BBS9: variants seen among roughly 807,000 people sequenced by gnomAD.
The protein encoded by BBS9 is Bardet-Biedl syndrome 9, also known as protein PTHB1.
A neutral mutation model predicts 117.7 loss-of-function variants in BBS9; 89 were observed. That is an observed-to-expected ratio of 0.76 (90% CI 0.64 to 0.90). The LOEUF (loss-of-function observed/expected upper bound fraction) is 0.90. Among genes scored for constraint, BBS9 ranks in the 40% least tolerant of loss-of-function variants. The pLI is 0.00. For synonymous variants in BBS9, 379 were observed against 370.9 expected, an observed-to-expected ratio of 1.02 and a Z score of -0.25; for missense variants, 982 against 1,042.2, an observed-to-expected ratio of 0.94 and a Z score of 0.80.
chr7:33,516,487 CAAAAAAAAAAAAAAAA>C (rs61006845), intron 20 of BBS9, among the ~76,000 whole-genome samples: 5 of 51,520 alleles, frequency 9.7e-5, no homozygotes, highest in Non-Finnish European at 1.8e-4. Flanking sequence ...ATTTCATCTC[CAAAAAAAAAAAAAAAA>C]AAAAAAAAGA....
chr7:33,425,801 G>A (rs1001245203), intron 19 of BBS9, among the ~76,000 whole-genome samples: 5 of 152,126 alleles, frequency 3.3e-5, no homozygotes, highest in African/African-American at 1.2e-4. Context: ...TTTTATTTTA[G>A]TGTTGAGCTT....
At chr7:33,240,820 G>C (rs1299196859) in intron 5 of BBS9, among the ~76,000 whole-genome samples, 1 of 151,818 alleles carries the variant, frequency 6.6e-6, no homozygotes, top group Non-Finnish European at 1.5e-5. Flanking sequence ...TAGTTTTTTG[G>C]TTGGTTAGAT....
chr7:33,326,305 A>G (rs6962002), intron 9 of BBS9, among the ~76,000 whole-genome samples: 138,526 of 150,664 alleles, frequency 0.92, 64,028 homozygotes, highest in African/African-American at 0.96. Context: ...AGTGAGTACT[A>G]TCTGGCTACC....
chr7:33,465,063 T>G (rs1400767131), intron 19 of BBS9, among the ~76,000 whole-genome samples: 2 of 151,968 alleles, frequency 1.3e-5, no homozygotes, highest in Admixed American at 1.3e-4. Context: ...ATATTATAAT[T>G]TAATTGCTGA....
chr7:33,294,290 CATCT>C (rs57892221), intron 9 of BBS9, among the ~76,000 whole-genome samples: 26,021 of 140,666 alleles, frequency 0.18, 2,496 homozygotes, highest in Admixed American at 0.2. Context: ...ATCTATCTAT[CATCT>C]ATCTATCTAT....
chr7:33,349,740 A>T (rs575948374), intron 13 of BBS9, among the ~76,000 whole-genome samples: 4 of 152,272 alleles, frequency 2.6e-5, no homozygotes, highest in African/African-American at 9.6e-5. Flanking sequence ...CTGTTTTTAG[A>T]TACTAAAATT....
chr7:33,609,895 A>C (rs1864770721), downstream of BBS9, among the ~76,000 whole-genome samples: 1 of 152,082 alleles, frequency 6.6e-6, no homozygotes, highest in South Asian at 2.1e-4. Flanking sequence ...CCACATAAAT[A>C]TATCCAGTTA....
intron 9 of BBS9, among the ~76,000 whole-genome samples, chr7:33,280,918 T>TTTTG (rs1562931093): frequency 1.4e-5 from 2 of 146,910 alleles, no homozygotes; most frequent in African/African-American, 2.5e-5. Flanking sequence ...TTTGTTTTTT[T>TTTTG]TTTTTTTTTT....
At chr7:33,267,203 A>C (rs1798978898) in intron 7 of BBS9, among the ~76,000 whole-genome samples, 1 of 151,876 alleles carries the variant, frequency 6.6e-6, no homozygotes, top group African/African-American at 2.4e-5. Flanking sequence ...TTTTTCTGAG[A>C]CCTACTTAAT....
chr7:33,260,211 G>C (rs1157488138), intron 6 of BBS9, among the ~76,000 whole-genome samples: 2 of 151,828 alleles, frequency 1.3e-5, no homozygotes, highest in South Asian at 2.1e-4. Flanking sequence ...TGTGTTGCCC[G>C]GGCTGGTTGC....
intron 19 of BBS9, among the ~76,000 whole-genome samples, chr7:33,451,889 A>G (rs1184356344): frequency 6.6e-6 from 1 of 151,970 alleles, no homozygotes; most frequent in Non-Finnish European, 1.5e-5. Context: ...GCTGGAGTGC[A>G]GTTGTGTGGT....
At chr7:33,466,223 G>A (rs1193807515) in intron 19 of BBS9, among the ~76,000 whole-genome samples, 1 of 152,014 alleles carries the variant, frequency 6.6e-6, no homozygotes. Context: ...ATTAACTATA[G>A]TCACCATGCT....
chr7:33,539,900 G>A (rs936607783), intron 21 of BBS9, among the ~76,000 whole-genome samples: 1 of 152,200 alleles, frequency 6.6e-6, no homozygotes, highest in Non-Finnish European at 1.5e-5. Context: ...CAGTCAGTGA[G>A]GGATTAACCA....
intron 9 of BBS9, among the ~76,000 whole-genome samples, chr7:33,324,021 A>T (rs915054684): frequency 1.3e-5 from 2 of 151,688 alleles, no homozygotes; most frequent in East Asian, 3.9e-4. Flanking sequence ...TATTTTTAGT[A>T]GAGACGGAGT....
At chr7:33,250,935 C>T (rs545215909) in intron 5 of BBS9, among the ~76,000 whole-genome samples, 14 of 152,182 alleles carry the variant, frequency 9.2e-5, no homozygotes, top group African/African-American at 2.4e-4. Context: ...CAATAGATGA[C>T]GTGTTCTAAG....
intron 19 of BBS9, among the ~76,000 whole-genome samples, chr7:33,397,031 A>G (rs1262486269): frequency 6.6e-6 from 1 of 152,174 alleles, no homozygotes; most frequent in East Asian, 1.9e-4. Context: ...CATCAGAGTG[A>G]ACAGACAACC....
chr7:33,171,119 G>T (rs1454016506), intron 4 of BBS9, among the ~76,000 whole-genome samples: 1 of 151,990 alleles, frequency 6.6e-6, no homozygotes, highest in Non-Finnish European at 1.5e-5. Flanking sequence ...AGTTCATATG[G>T]AATGAAAAAA....
chr7:33,610,329 G>A (rs1162423465), downstream of BBS9, among the ~76,000 whole-genome samples: 2 of 152,028 alleles, frequency 1.3e-5, no homozygotes. Context: ...CCACAGACTG[G>A]GTAATTTATA....
chr7:33,299,288 T>C lies in BBS9; in HGVS notation c.1016+25332T>C, dbSNP rs527923307. The stretch of plus-strand genomic sequence containing the variant: ...TTATTTTTAGTCTTCAAATTACCCT[T>C]ATTTTTGAACATTTCTGATCACAAT... On this transcript the variant is annotated intron_variant, in intron 9 of 22. Coordinates refer to ENST00000242067, the MANE Select transcript of BBS9 (RefSeq NM_198428.3). Among the ~76,000 whole-genome samples, 4 of 152,290 alleles carry C rather than the reference T, an allele frequency of 2.6e-5. No individual in the cohort carries two copies. The South Asian group carries it at 8.3e-4, about 32-fold the overall frequency.
Sources: allele counts gnomAD v4.1 joint callset (sites outside exome capture counted in the v4.1 genomes callset), GRCh38; gene constraint gnomAD v4.1.1; transcripts MANE v1.5; gene names NCBI Gene and HGNC (gene_info 2026-07-23, HGNC 2026-07-21).